The following USP6NL variants were observed in gnomAD, a reference collection of about 807,000 sequenced individuals.
USP6NL encodes the protein USP6 N-terminal-like protein.
A neutral mutation model predicts 61.9 loss-of-function variants in USP6NL; 26 were observed. The observed-to-expected ratio is 0.42, with a 90% CI of 0.31 to 0.58. The LOEUF (loss-of-function observed/expected upper bound fraction) is 0.58. USP6NL is among the 20% of genes least tolerant of loss of function. The probability of loss-of-function intolerance (pLI) is 0.16; values close to 1 mark genes in which losing one functional copy is unlikely to be tolerated. For synonymous variants in USP6NL, 432 were observed against 390.1 expected (o/e 1.11, Z -1.27); for missense variants, 1,114 against 1,034.3 (o/e 1.08, Z -1.06).
rs1001048706 is a variant in USP6NL, at chr10:11,540,866, G to A, written c.5-13299C>T. 9.9e-5 allele frequency among the ~76,000 whole-genome samples: 15 copies of A among 152,048 alleles called. No homozygotes were observed. Among genetic ancestry groups the A allele is most frequent in the African/African-American group, 3.1e-4 (13 of 41,386 alleles). On this transcript the variant is annotated intron_variant, in intron 2 of 14. Transcript: ENST00000609104. The surrounding 1 kb of genome is among the most constrained non-coding windows in gnomAD (Gnocchi z 5.0). Reference sequence around the variant, plus strand: ...CCTTTGAGTTATGTAAGTATTACTGGGTCCCTGAATGGCCCTTGGGTTCAA... The same window carrying A: ...CCTTTGAGTTATGTAAGTATTACTGAGTCCCTGAATGGCCCTTGGGTTCAA...
At chr10:11,505,935 A>T (rs1368956563) in intron 6 of USP6NL, among the ~76,000 whole-genome samples, 2 of 152,130 alleles carry the variant, frequency 1.3e-5, no homozygotes, top group African/African-American at 4.8e-5. Flanking sequence ...TCTGCCTTCA[A>T]ACAGCAACAG....
chr10:11,609,128 G>A (rs543883891), intron 1 of USP6NL, among the ~76,000 whole-genome samples: 4 of 152,088 alleles, frequency 2.6e-5, no homozygotes, highest in South Asian at 2.1e-4. Flanking sequence ...GCAGTGGAGC[G>A]ATCTCCGCTC....
At chr10:11,494,205 G>C (rs536922879) in intron 7 of USP6NL, among the ~76,000 whole-genome samples, 4 of 152,254 alleles carry the variant, frequency 2.6e-5, no homozygotes, top group African/African-American at 9.6e-5. Context: ...TTCCAGTGTT[G>C]CTATTCTGTT....
At chr10:11,492,130 G>A (rs1001102446) in intron 8 of USP6NL, among the ~76,000 whole-genome samples, 3 of 152,192 alleles carry the variant, frequency 2.0e-5, no homozygotes, top group African/African-American at 4.8e-5. Context: ...GCATCCTCAC[G>A]TGGGGAAAGA....
intron 2 of USP6NL, among the ~76,000 whole-genome samples, chr10:11,555,433 A>AAAAAAAAAAAAATAT (rs1275798295): frequency 4.1e-5 from 2 of 49,030 alleles, no homozygotes; most frequent in African/African-American, 1.9e-4. Context: ...AAAAAAAAAA[A>AAAAAAAAAAAAATAT]ATATATATAT....
Position 11,490,721 on chromosome 10 carries a change from C to T in USP6NL, c.543+111G>A. 1 of 1,054,434 alleles carries T rather than the reference C, an allele frequency of 9.5e-7. No homozygotes were observed. Among genetic ancestry groups the T allele is most frequent in the Non-Finnish European group, 1.4e-6 (1 of 723,398 alleles). The allele number at this position is 1,054,434 out of a possible 1,614,324, so 65.3% of individuals were successfully genotyped here. The stretch of plus-strand genomic sequence containing the variant: ...AAAAGATCCACAGAGCTAAAGAGAC[C>T]ATGGAGACCACCTAGCTCTGAGATG... On this transcript the variant is annotated intron_variant, in intron 9 of 14. Transcript: ENST00000609104. This position sits in a 1 kb window ranked among gnomAD's most constrained non-coding sequence, Gnocchi z 4.5.
chr10:11,573,848 A>C (rs1469579433), intron 2 of USP6NL: 5 of 391,310 alleles, frequency 1.3e-5, no homozygotes, highest in Non-Finnish European at 2.3e-5. Context: ...AGTTAATAAG[A>C]AACAACGAAA....
intron 2 of USP6NL, among the ~76,000 whole-genome samples, chr10:11,568,004 CCTTTT>C (rs1837225808): frequency 6.6e-6 from 1 of 152,168 alleles, no homozygotes; most frequent in Non-Finnish European, 1.5e-5. Flanking sequence ...CGCTGCCTTT[CCTTTT>C]CATTAAACCA....
At chr10:11,580,158 T>C (rs1566196055) in intron 2 of USP6NL, among the ~76,000 whole-genome samples, 2 of 152,222 alleles carry the variant, frequency 1.3e-5, no homozygotes, top group South Asian at 4.1e-4. Flanking sequence ...ATGTCCCTCA[T>C]GGATGGTGAC....
chr10:11,506,051 C>A (rs1446679134), intron 6 of USP6NL, among the ~76,000 whole-genome samples: 2 of 152,172 alleles, frequency 1.3e-5, no homozygotes, highest in Non-Finnish European at 2.9e-5. Flanking sequence ...GGAAAGCTGG[C>A]ATAAAAGATG....
At chr10:11,500,616 A>G (rs1399891458) in intron 7 of USP6NL, among the ~76,000 whole-genome samples, 1 of 152,216 alleles carries the variant, frequency 6.6e-6, no homozygotes, top group Non-Finnish European at 1.5e-5. Context: ...TAAAACCTAG[A>G]GATACCCTAA....
At position 11,595,237 on chromosome 10, in the gene USP6NL, A is replaced by C. The variant is rs1838287788; in HGVS notation, c.4+2394T>G. On this transcript the variant is annotated intron_variant, in intron 2 of 14. Coordinates refer to ENST00000609104, the MANE Select transcript of USP6NL (RefSeq NM_014688.5). This position sits in a 1 kb window ranked among gnomAD's most constrained non-coding sequence, Gnocchi z 5.3. ...CTCTGTAGATCAGACATCTAACAGG[A>C]ACATAAAGGGTGAGGCACACTGAAG... is the stretch of plus-strand genomic sequence containing the variant. Among the ~76,000 whole-genome samples, 1 of 152,180 alleles carries C rather than the reference A, an allele frequency of 6.6e-6. No individual in the cohort carries two copies. The highest frequency in any genetic ancestry group is 6.5e-5 in the Admixed American group (1 of 15,280).
chr10:11,497,491 C>A (rs1833988262), intron 7 of USP6NL, among the ~76,000 whole-genome samples: 1 of 151,408 alleles, frequency 6.6e-6, no homozygotes. Context: ...CTACAGGCTT[C>A]CTTGTAAAAG....
chr10:11,528,874 G>A lies in USP6NL; in HGVS notation c.5-1307C>T, dbSNP rs1430383990. Among the ~76,000 whole-genome samples the A allele has an allele frequency of 6.6e-6, 1 of 151,708 alleles. No homozygotes were observed. The highest frequency in any genetic ancestry group is 1.5e-5 in the Non-Finnish European group (1 of 68,036). On this transcript the variant is annotated intron_variant, in intron 2 of 14. Coordinates refer to ENST00000609104, the MANE Select transcript of USP6NL (RefSeq NM_014688.5). This position sits in a 1 kb window ranked among gnomAD's most constrained non-coding sequence, Gnocchi z 4.6. ...AAATCCCTGAAAGTTGAAGGGACAT[G>A]CATGTGTGTAGCAGAGCCGGGTGCA...
rs556242921 is a variant in USP6NL at position 11,575,766 on chromosome 10, T to A, written c.4+21865A>T. On this transcript the variant is annotated intron_variant, in intron 2 of 14. Coordinates refer to ENST00000609104, the MANE Select transcript of USP6NL (RefSeq NM_014688.5). This position sits in a 1 kb window ranked among gnomAD's most constrained non-coding sequence, Gnocchi z 4.2. ...AAGAATATCTGATCACATACTCTGA[T>A]GTATGTAACTGAGCTGAACTCTTTA... Among the ~76,000 whole-genome samples, 2 of 152,220 alleles carry A rather than the reference T, an allele frequency of 1.3e-5. No homozygotes were observed. Among genetic ancestry groups the A allele is most frequent in the Non-Finnish European group, 2.9e-5 (2 of 68,040 alleles).
At chr10:11,488,821 C>T (rs1208258034) in intron 10 of USP6NL, among the ~76,000 whole-genome samples, 1 of 152,110 alleles carries the variant, frequency 6.6e-6, no homozygotes, top group Non-Finnish European at 1.5e-5. Context: ...TAAATTCCTC[C>T]AAACCTAAAT....
At chr10:11,477,039 T>C (rs1196346825) in intron 14 of USP6NL, among the ~76,000 whole-genome samples, 8 of 152,186 alleles carry the variant, frequency 5.3e-5, no homozygotes, top group Non-Finnish European at 1.0e-4. Flanking sequence ...GCCCCGCTGA[T>C]TTTTTTATTT....
At chr10:11,515,552 A>C (rs1179726098) in intron 5 of USP6NL, among the ~76,000 whole-genome samples, 3 of 152,230 alleles carry the variant, frequency 2.0e-5, no homozygotes, top group South Asian at 2.1e-4. Flanking sequence ...GTGAGCTCTT[A>C]ACCTGTGAGG....
At chr10:11,507,163 C>T (rs1054430154) in intron 6 of USP6NL, among the ~76,000 whole-genome samples, 20 of 152,152 alleles carry the variant, frequency 1.3e-4, no homozygotes, top group African/African-American at 4.6e-4. Context: ...GAGAGGCTTA[C>T]GTACTTTCAT....
Sources: gnomAD v4.1 joint callset for allele counts (sites outside exome capture counted in the v4.1 genomes callset) on GRCh38, gnomAD v4.1.1 for gene constraint, Gnocchi (gnomAD v3.1) non-coding constraint, MANE v1.5 for transcripts, NCBI Gene and HGNC (gene_info 2026-07-23, HGNC 2026-07-21) for gene names.